Variants in SIK3 observed in about 807,000 individuals in gnomAD.
SIK3 encodes SIK family kinase 3, also known as serine/threonine-protein kinase SIK3.
In SIK3, 28 loss-of-function variants were observed where a neutral mutation model predicts 144.2. That is an observed-to-expected ratio of 0.19 (90% CI 0.14 to 0.27). The LOEUF is 0.27. Ranked by LOEUF, SIK3 falls within the 10% of genes least tolerant of loss-of-function variation. The pLI is 1.00. For missense variants in SIK3, 1,319 were observed against 1,776.0 expected (o/e 0.74, Z 4.62); for synonymous variants, 686 against 676.3 (o/e 1.01, Z -0.22).
At chr11:116,947,569 A>ATGTATGTATGTATGTATGTATTT (rs374241141) in intron 3 of SIK3, among the ~76,000 whole-genome samples, 3 of 109,448 alleles carry the variant, frequency 2.7e-5, no homozygotes, top group Non-Finnish European at 5.6e-5. Flanking sequence ...GTATGTATGT[A>ATGTATGTATGTATGTATGTATTT]TTTTTTTTTT....
At chr11:116,951,018 C>A (rs1365772612) in intron 3 of SIK3, among the ~76,000 whole-genome samples, 1 of 152,190 alleles carries the variant, frequency 6.6e-6, no homozygotes. Flanking sequence ...AGAAGTTGAT[C>A]TCTCTCTCAC....
At position 116,859,602 on chromosome 11, in the gene SIK3, C is replaced by T. The variant is rs180681559; in HGVS notation, c.2428G>A (p.Ala810Thr). The T allele has an allele frequency of 1.2e-6, 2 of 1,612,672 alleles. No individual in the cohort carries two copies. Among genetic ancestry groups the T allele is most frequent in the African/African-American group, 2.7e-5 (2 of 74,970 alleles). The change falls in exon 20 of 25, where the codon GCT becomes ACT. Residue 810 changes from alanine (A) to threonine (T), a missense_variant and splice_region_variant. Ala to Thr is a moderately conservative substitution (Grantham distance 58, BLOSUM62 0). Around this residue, in one of 8 missense-constraint regions of SIK3, gnomAD observed 646 missense variants for 763.7 expected, o/e 0.85. Coordinates refer to ENST00000445177, the MANE Select transcript of SIK3 (RefSeq NM_001366686.3). ...CCTTGAAACTGGGAAGAAGATGCAG[C>T]CCCTGGAGAGAAAGGAACCTCAGAG... Reference protein sequence around the residue: ...MSSAMIQPHGAASSSQFQGLP... With the variant: ...MSSAMIQPHGTASSSQFQGLP...
chr11:116,877,744 G>A (rs547038474), intron 6 of SIK3, among the ~76,000 whole-genome samples: 90 of 136,530 alleles, frequency 6.6e-4, no homozygotes, highest in Admixed American at 4.0e-3. Context: ...ATCAAGAAAC[G>A]TATATTCTGA....
At chr11:116,890,516 G>C (rs1945044240) in intron 6 of SIK3, among the ~76,000 whole-genome samples, 1 of 152,222 alleles carries the variant, frequency 6.6e-6, no homozygotes, top group South Asian at 2.1e-4. Context: ...ACCAGATCCT[G>C]TGGTAGGTTA....
chr11:117,061,016 G>C (rs139526956), intron 1 of SIK3, among the ~76,000 whole-genome samples: 1 of 152,200 alleles, frequency 6.6e-6, no homozygotes, highest in Non-Finnish European at 1.5e-5. Flanking sequence ...GGAGGCTGAG[G>C]TGAAGGGATC....
At chr11:116,884,469 C>A (rs1386119821) in intron 6 of SIK3, among the ~76,000 whole-genome samples, 1 of 150,592 alleles carries the variant, frequency 6.6e-6, no homozygotes, top group East Asian at 2.0e-4. Context: ...GCCTCATAAA[C>A]GATAATATGC....
intron 1 of SIK3, among the ~76,000 whole-genome samples, chr11:117,052,383 G>C (rs932617783): frequency 1.3e-5 from 2 of 152,158 alleles, no homozygotes; most frequent in Non-Finnish European, 2.9e-5. Context: ...TATTGCAGTA[G>C]CCCAGGCATG....
At chr11:116,950,618 T>G (rs1948889531) in intron 3 of SIK3, among the ~76,000 whole-genome samples, 1 of 152,216 alleles carries the variant, frequency 6.6e-6, no homozygotes, top group Admixed American at 6.5e-5. Context: ...AATACACTGT[T>G]CAGACTTCTT....
intron 16 of SIK3, 147 bp from the exon 17 acceptor site, chr11:116,862,474 C>T (rs776415802): frequency 1.4e-5 from 13 of 941,944 alleles, no homozygotes; most frequent in Non-Finnish European, 1.8e-5. Context: ...AACTCATTTA[C>T]CTAAGTATCT....
intron 1 of SIK3, among the ~76,000 whole-genome samples, chr11:117,032,088 A>G (rs568049902): frequency 6.6e-6 from 1 of 152,332 alleles, no homozygotes; most frequent in South Asian, 2.1e-4. Context: ...GAGCTATACA[A>G]TAAGTCTTGA....
intron 4 of SIK3, among the ~76,000 whole-genome samples, chr11:116,903,392 A>T (rs1945840590): frequency 6.6e-6 from 1 of 152,234 alleles, no homozygotes; most frequent in Admixed American, 6.5e-5. Context: ...GGGAACAGAT[A>T]GACATGGAAC....
intron 1 of SIK3, among the ~76,000 whole-genome samples, chr11:117,056,820 C>T (rs1953558185): frequency 1.3e-5 from 2 of 152,048 alleles, no homozygotes; most frequent in African/African-American, 2.4e-5. Flanking sequence ...GGATGGTCCA[C>T]CTTTGGCAAT....
At position 116,983,159 on chromosome 11, in the gene SIK3, G is replaced by A. The variant is rs571609055; in HGVS notation, c.274-26095C>T. The stretch of plus-strand genomic sequence containing the variant: ...GGAGAATGGCATAAACCCGGGAGGC[G>A]GAGCTTGCAGTGAGCCAAGATTCGG... On this transcript the variant is annotated intron_variant, in intron 1 of 24. Transcript: ENST00000445177. Among the ~76,000 whole-genome samples, 14 of 150,230 alleles carry A rather than the reference G, an allele frequency of 9.3e-5. No individual in the cohort carries two copies. In the South Asian group the frequency reaches 1.3e-3, roughly 14 times the overall value.
chr11:117,078,646 G>A lies in SIK3; in HGVS notation c.273+19497C>T, dbSNP rs574174772. ...TCAAACTCCTGACCTCAGGCAATCC[G>A]CCCGCCTTGGCCTCCCAAAGTGCTG... On this transcript the variant is annotated intron_variant, in intron 1 of 24. Coordinates refer to ENST00000445177, the MANE Select transcript of SIK3 (RefSeq NM_001366686.3). Among the ~76,000 whole-genome samples, 11 of 151,996 alleles carry A rather than the reference G, an allele frequency of 7.2e-5. 1 individual carries two copies. The South Asian group carries it at 1.5e-3, about 20-fold the overall frequency.
intron 21 of SIK3, chr11:116,855,513 C>T (rs1942837543): frequency 6.6e-6 from 1 of 152,242 alleles, no homozygotes; most frequent in African/African-American, 2.4e-5. Flanking sequence ...ACTTTCTACA[C>T]ACACAAGTCA....
At chr11:117,078,414 CTT>C (rs752116300) in intron 1 of SIK3, among the ~76,000 whole-genome samples, 11 of 131,480 alleles carry the variant, frequency 8.4e-5, no homozygotes, top group Non-Finnish European at 9.5e-5. Flanking sequence ...TGCATAACAC[CTT>C]TTTTTTTTTT....
At chr11:116,962,194 A>T (rs1949371441) in intron 1 of SIK3, among the ~76,000 whole-genome samples, 3 of 152,096 alleles carry the variant, frequency 2.0e-5, no homozygotes. Flanking sequence ...AAAACAAACC[A>T]CCCTTCCCCA....
chr11:117,011,900 T>C (rs1219979004), intron 1 of SIK3, among the ~76,000 whole-genome samples: 1 of 152,100 alleles, frequency 6.6e-6, no homozygotes, highest in East Asian at 1.9e-4. Context: ...AGAAAGAGAC[T>C]CCAACTCTTA....
chr11:116,915,363 T>C (rs1946578388), intron 4 of SIK3, among the ~76,000 whole-genome samples: 1 of 152,106 alleles, frequency 6.6e-6, no homozygotes, highest in South Asian at 2.1e-4. Flanking sequence ...GATGAATACT[T>C]TTCATGACCT....
Sources: gnomAD v4.1 joint callset for allele counts (sites outside exome capture counted in the v4.1 genomes callset) on GRCh38, gnomAD v4.1.1 for gene constraint, gnomAD v4.1.1 regional missense constraint, MANE v1.5 for transcripts, NCBI Gene and HGNC (gene_info 2026-07-23, HGNC 2026-07-21) for gene names.